The following HIBCH variants were observed in gnomAD, a reference collection of about 807,000 sequenced individuals.
HIBCH encodes 3-hydroxyisobutyryl-CoA hydrolase, mitochondrial.
HIBCH carries 50 observed loss-of-function variants against 58.2 expected under a neutral mutation model. That is an observed-to-expected ratio of 0.86 (90% CI 0.68 to 1.09). HIBCH has a LOEUF of 1.09. HIBCH is among the 50% of genes least tolerant of loss of function. The pLI, the probability that HIBCH is intolerant of heterozygous loss-of-function variation, is 0.00. For missense variants in HIBCH, 450 were observed against 449.7 expected (o/e 1.00, Z -0.01); for synonymous variants, 151 against 146.9 (o/e 1.03, Z -0.20).
intron 6 of HIBCH, among the ~76,000 whole-genome samples, chr2:190,280,637 G>A (rs1687680961): frequency 1.4e-5 from 1 of 70,124 alleles, no homozygotes; most frequent in Non-Finnish European, 3.4e-5. Context: ...CTTAGCAAGG[G>A]GGAAAATGCC....
At chr2:190,226,092 T>C (rs1221883381) in intron 11 of HIBCH, among the ~76,000 whole-genome samples, 2 of 152,200 alleles carry the variant, frequency 1.3e-5, no homozygotes, top group African/African-American at 2.4e-5. Flanking sequence ...AAACTAGGTA[T>C]TGATGCGACG....
At chr2:190,246,617 T>C (rs933345098) in intron 9 of HIBCH, among the ~76,000 whole-genome samples, 1 of 152,192 alleles carries the variant, frequency 6.6e-6, no homozygotes, top group African/African-American at 2.4e-5. Context: ...AGAAAGCACC[T>C]CTCAAGGAGG....
chr2:190,205,870 A>G (rs536032663), intron 13 of HIBCH, among the ~76,000 whole-genome samples: 5 of 152,048 alleles, frequency 3.3e-5, no homozygotes, highest in East Asian at 1.9e-4. Context: ...AACTTCTCCG[A>G]AAAAAAAGGG....
chr2:190,238,959 CTTTAG>C (rs1357619641), intron 11 of HIBCH, among the ~76,000 whole-genome samples: 1 of 152,132 alleles, frequency 6.6e-6, no homozygotes, highest in Non-Finnish European at 1.5e-5. Flanking sequence ...TACAGAAGCT[CTTTAG>C]TTTAATTAGA....
At chr2:190,205,975 G>T (rs1035195561) in intron 13 of HIBCH, among the ~76,000 whole-genome samples, 2 of 152,104 alleles carry the variant, frequency 1.3e-5, no homozygotes, top group Non-Finnish European at 2.9e-5. Flanking sequence ...TCTTACAACC[G>T]CATGAATCTA....
In HIBCH at chr2:190,306,514, T is replaced by A. The variant is rs927530292; in HGVS notation, c.78+4240A>T. 4.6e-5 allele frequency among the ~76,000 whole-genome samples: 7 copies of A among 152,140 alleles called. No homozygotes were observed. Among genetic ancestry groups the A allele is most frequent in the African/African-American group, 1.7e-4 (7 of 41,440 alleles). ...CAGGTTTCCCAAATTGCATGACAGTTGTACTGTCATGCAATATACTGCATA... is the reference window on the plus strand; with the variant it reads ...CAGGTTTCCCAAATTGCATGACAGTAGTACTGTCATGCAATATACTGCATA... On this transcript the variant is annotated intron_variant, in intron 2 of 13. Transcript: ENST00000359678. The surrounding 1 kb of genome is among the most constrained non-coding windows in gnomAD (Gnocchi z 4.6).
chr2:190,218,459 T>G (rs1685621941), intron 11 of HIBCH, among the ~76,000 whole-genome samples: 1 of 152,038 alleles, frequency 6.6e-6, no homozygotes, highest in Non-Finnish European at 1.5e-5. Flanking sequence ...CATGGGACAG[T>G]TAGCTCTTAG....
intron 2 of HIBCH, among the ~76,000 whole-genome samples, chr2:190,300,508 AT>A (rs1337836395): frequency 6.6e-6 from 1 of 151,594 alleles, no homozygotes. Context: ...CCATTTTTTA[AT>A]GGGGTTGTTT....
At chr2:190,256,273 T>C (rs961707203) in intron 7 of HIBCH, among the ~76,000 whole-genome samples, 3 of 151,968 alleles carry the variant, frequency 2.0e-5, no homozygotes, top group Non-Finnish European at 4.4e-5. Flanking sequence ...AAAATGATTA[T>C]AGAGAACAGT....
chr2:190,258,273 C>T (rs148952391), intron 7 of HIBCH, among the ~76,000 whole-genome samples: 213 of 152,306 alleles, frequency 1.4e-3, no homozygotes, highest in Non-Finnish European at 1.7e-3. Context: ...CCCAATCATG[C>T]TTCCTGTACA....
At chr2:190,199,616 GA>G, downstream of HIBCH, 1 of 818,828 alleles carries the variant, frequency 1.2e-6, no homozygotes. Context: ...CCAAAGTGAT[GA>G]AAGGATTTTT....
chr2:190,287,584 AC>A lies in HIBCH; in HGVS notation c.438+1del. The A allele has an allele frequency of 1.3e-6, 2 of 1,597,718 alleles. No homozygotes were observed. Among genetic ancestry groups the A allele is most frequent in the Non-Finnish European group, 1.7e-6 (2 of 1,165,308 alleles). On this transcript the variant is annotated splice_donor_variant, in intron 6 of 13. Transcript: ENST00000359678. LOFTEE classifies it high-confidence loss of function. ...AATGATCAGAGTAAAAAGTCTACTT[AC>A]CCCACCCATTGTAATTCCATGAATA...
In HIBCH at chr2:190,210,834, C is replaced by T. The variant is rs892731047; in HGVS notation, c.1012-1921G>A. 2.6e-5 allele frequency among the ~76,000 whole-genome samples: 4 copies of T among 152,174 alleles called. No homozygotes were observed. The highest frequency in any genetic ancestry group is 9.7e-5 in the African/African-American group (4 of 41,438). On this transcript the variant is annotated intron_variant, in intron 12 of 13. Coordinates refer to ENST00000359678, the MANE Select transcript of HIBCH (RefSeq NM_014362.4). This position sits in a 1 kb window ranked among gnomAD's most constrained non-coding sequence, Gnocchi z 5.5. ...CTAGATAATGGCATGGGCTCACTTC[C>T]TTACTTCTTTCAGGAATTCACTCAA...
At chr2:190,237,935 C>G (rs535230914) in intron 11 of HIBCH, among the ~76,000 whole-genome samples, 2 of 151,934 alleles carry the variant, frequency 1.3e-5, no homozygotes, top group African/African-American at 4.8e-5. Context: ...GTTTTCTGTT[C>G]TTGTATTAGT....
chr2:190,316,390 C>T (rs1431220865), intron 1 of HIBCH, among the ~76,000 whole-genome samples: 1 of 152,122 alleles, frequency 6.6e-6, no homozygotes, highest in East Asian at 1.9e-4. Flanking sequence ...ACCCAAAGTG[C>T]TGGCATTACA....
chr2:190,226,237 T>C (rs987619180), intron 11 of HIBCH, among the ~76,000 whole-genome samples: 1 of 152,040 alleles, frequency 6.6e-6, no homozygotes, highest in African/African-American at 2.4e-5. Flanking sequence ...CTATTCAACA[T>C]AGTGTTGGAA....
chr2:190,234,029 T>A (rs549720012), intron 11 of HIBCH, among the ~76,000 whole-genome samples: 1 of 152,094 alleles, frequency 6.6e-6, no homozygotes, highest in African/African-American at 2.4e-5. Context: ...TGGTGGCACA[T>A]GCCTGTAATC....
chr2:190,292,499 C>T (rs760278291), intron 4 of HIBCH, among the ~76,000 whole-genome samples: 18 of 152,010 alleles, frequency 1.2e-4, no homozygotes, highest in Admixed American at 2.6e-4. Flanking sequence ...TTAGTAGAGA[C>T]GGGGTTTCAC....
At chr2:190,314,721 C>T (rs1429886961) in intron 1 of HIBCH, among the ~76,000 whole-genome samples, 1 of 152,116 alleles carries the variant, frequency 6.6e-6, no homozygotes, top group Non-Finnish European at 1.5e-5. Flanking sequence ...TCAGGTGATC[C>T]GCCCACCTGG....
Sources: allele counts gnomAD v4.1 joint callset (sites outside exome capture counted in the v4.1 genomes callset), GRCh38; gene constraint gnomAD v4.1.1; non-coding constraint Gnocchi (gnomAD v3.1); transcripts MANE v1.5; gene names NCBI Gene and HGNC (gene_info 2026-07-23, HGNC 2026-07-21).